Variants in VEPH1 observed in about 807,000 individuals in gnomAD.
The protein encoded by VEPH1 is ventricular zone expressed PH domain containing 1.
VEPH1 carries 80 observed loss-of-function variants against 85.2 expected under a neutral mutation model. The observed-to-expected ratio is 0.94, with a 90% CI of 0.78 to 1.13. The LOEUF (loss-of-function observed/expected upper bound fraction) is 1.13, where lower values mean the gene tolerates loss of function less well. VEPH1 is among the 50% of genes most tolerant of loss of function. The probability of loss-of-function intolerance (pLI) is 0.00; values close to 1 mark genes in which losing one functional copy is unlikely to be tolerated. For synonymous variants in VEPH1, 297 were observed against 348.0 expected, an observed-to-expected ratio of 0.85 and a Z score of 1.63; for missense variants, 955 against 980.5, an observed-to-expected ratio of 0.97 and a Z score of 0.35.
At chr3:157,280,967 G>C (rs1048386205) in intron 12 of VEPH1, among the ~76,000 whole-genome samples, 1 of 152,182 alleles carries the variant, frequency 6.6e-6, no homozygotes, top group Non-Finnish European at 1.5e-5. Flanking sequence ...TGTCCAGAGG[G>C]AAAGACTGAT....
chr3:157,450,048 C>CTTTTTTTT (rs761761440), intron 4 of VEPH1, among the ~76,000 whole-genome samples: 10 of 77,320 alleles, frequency 1.3e-4, no homozygotes, highest in African/African-American at 4.3e-4. Context: ...AGAATATTTA[C>CTTTTTTTT]TTTTTTTTTT....
intron 12 of VEPH1, among the ~76,000 whole-genome samples, chr3:157,280,760 T>A (rs1715999001): frequency 6.6e-6 from 1 of 152,236 alleles, no homozygotes; most frequent in Non-Finnish European, 1.5e-5. Flanking sequence ...AGAGTTAGAT[T>A]TTTAAAAGTT....
intron 6 of VEPH1, among the ~76,000 whole-genome samples, chr3:157,386,874 A>C (rs892943456): frequency 1.3e-5 from 2 of 152,236 alleles, no homozygotes; most frequent in African/African-American, 4.8e-5. Flanking sequence ...AACACAGTGA[A>C]AATGGTAAAT....
intron 4 of VEPH1, among the ~76,000 whole-genome samples, chr3:157,450,618 A>C (rs1162052856): frequency 6.6e-6 from 1 of 151,314 alleles, no homozygotes; most frequent in Non-Finnish European, 1.5e-5. Flanking sequence ...TTATCTATCT[A>C]TATATCTCCT....
intron 6 of VEPH1, among the ~76,000 whole-genome samples, chr3:157,389,476 T>G (rs1170369114): frequency 6.6e-6 from 1 of 152,118 alleles, no homozygotes; most frequent in African/African-American, 2.4e-5. Flanking sequence ...ACAACTGAAG[T>G]TTTTTGCTAC....
At chr3:157,480,334 A>T (rs545322996) in intron 2 of VEPH1, among the ~76,000 whole-genome samples, 1 of 152,140 alleles carries the variant, frequency 6.6e-6, no homozygotes, top group African/African-American at 2.4e-5. Context: ...CAGAGCGTAC[A>T]TCAGCAGGTT....
rs1330053157 is a variant in VEPH1, at chr3:157,413,800, C to T, written c.906+81G>A. On this transcript the variant is annotated intron_variant, in intron 6 of 13. Transcript: ENST00000362010. ...GAAATTCCAGGACAAATTTGCACGT[C>T]ATAATAATCCAACCTATTAAATAGG... The T allele has an allele frequency of 6.8e-6, 10 of 1,473,324 alleles. No homozygotes were observed. In the Admixed American group the frequency reaches 2.1e-4, roughly 31 times the overall value. The allele number at this position is 1,473,324 out of a possible 1,614,324, so 91.3% of individuals were successfully genotyped here.
chr3:157,383,059 G>A (rs1259319610), intron 6 of VEPH1, among the ~76,000 whole-genome samples: 1 of 151,996 alleles, frequency 6.6e-6, no homozygotes, highest in African/African-American at 2.4e-5. Flanking sequence ...GCTGGCCTGG[G>A]CTCAAGTAAT....
At chr3:157,328,127 CTGAGA>C (rs990634145) in intron 9 of VEPH1, among the ~76,000 whole-genome samples, 3 of 152,166 alleles carry the variant, frequency 2.0e-5, no homozygotes, top group African/African-American at 7.2e-5. Flanking sequence ...CCCGATTTGC[CTGAGA>C]TTAGAGTGGC....
In VEPH1 at chr3:157,442,541, C is replaced by A. The variant is rs868446487; in HGVS notation, c.530-14053G>T. 2.4e-5 allele frequency: 39 copies of A among 1,614,042 alleles called. No homozygotes were observed. The Middle Eastern group carries it at 4.1e-3, about 170-fold the overall frequency. On this transcript the variant is annotated intron_variant, in intron 4 of 13. Transcript: ENST00000362010. The stretch of plus-strand genomic sequence containing the variant: ...GCACAAAGAGGAATCCATATGAAAT[C>A]CAGCTGTATCTCAGCTACCAATCCA...
intron 3 of VEPH1, 129 bp from the exon 4 acceptor site, chr3:157,460,484 C>T (rs1176122164): frequency 1.7e-6 from 2 of 1,203,794 alleles, no homozygotes; most frequent in Middle Eastern, 2.7e-4. Flanking sequence ...AGGCCTTGCC[C>T]TGTTTATATT....
chr3:157,360,485 A>G lies in VEPH1; in HGVS notation c.1735+2879T>C, dbSNP rs554639214. Among the ~76,000 whole-genome samples, 8 of 151,904 alleles carry G rather than the reference A, an allele frequency of 5.3e-5. No homozygotes were observed. The South Asian group carries it at 6.3e-4, about 12-fold the overall frequency. The stretch of plus-strand genomic sequence containing the variant: ...GATGAATTTATTCAACATTTTTGGG[A>G]AAAAAAAGCAAAGTTAACTAGTTAA... On this transcript the variant is annotated intron_variant, in intron 9 of 13. Transcript: ENST00000362010.
At chr3:157,355,066 C>T (rs1725280554) in intron 9 of VEPH1, among the ~76,000 whole-genome samples, 2 of 152,186 alleles carry the variant, frequency 1.3e-5, no homozygotes, top group Non-Finnish European at 2.9e-5. Context: ...CGGTTCTCTT[C>T]AGCTCCCACA....
At chr3:157,345,877 G>T (rs1213128187) in intron 9 of VEPH1, among the ~76,000 whole-genome samples, 1 of 152,204 alleles carries the variant, frequency 6.6e-6, no homozygotes, top group African/African-American at 2.4e-5. Context: ...CATGTCCTTT[G>T]TAGGGACATG....
intron 9 of VEPH1, among the ~76,000 whole-genome samples, chr3:157,344,974 G>A (rs370811672): frequency 6.6e-6 from 1 of 152,272 alleles, no homozygotes; most frequent in East Asian, 1.9e-4. Context: ...GGCTAGCCAT[G>A]TGTAGAAAGC....
At chr3:157,479,704 G>C (rs767211437) in intron 2 of VEPH1, among the ~76,000 whole-genome samples, 3 of 152,136 alleles carry the variant, frequency 2.0e-5, no homozygotes, top group Non-Finnish European at 4.4e-5. Context: ...CTAAGGGCTC[G>C]GCTCTGCTTT....
intron 4 of VEPH1, among the ~76,000 whole-genome samples, chr3:157,445,740 G>T (rs1734499061): frequency 6.6e-6 from 1 of 152,206 alleles, no homozygotes; most frequent in South Asian, 2.1e-4. Flanking sequence ...AGTGAGCCAA[G>T]ATCGCACCAC....
chr3:157,479,903 C>T (rs1235266058), intron 2 of VEPH1, among the ~76,000 whole-genome samples: 5 of 152,154 alleles, frequency 3.3e-5, no homozygotes, highest in Admixed American at 2.6e-4. Flanking sequence ...ATTTTTATTT[C>T]CCTTAAGGAT....
chr3:157,260,452 G>C lies in VEPH1; in HGVS notation c.*682C>G, dbSNP rs1329636475. 1 of 152,156 alleles carries C rather than the reference G, an allele frequency of 6.6e-6. No individual in the cohort carries two copies. Among genetic ancestry groups the C allele is most frequent in the African/African-American group, 2.4e-5 (1 of 41,448 alleles). 9.4% of individuals were successfully genotyped at this position (152,156 alleles called of 1,614,324 possible). On this transcript the variant is annotated 3_prime_UTR_variant, in exon 14 of 14. Transcript: ENST00000362010. ...ATCCTTTTCCTATATTACACTTAGT[G>C]CCTTGGGCAGGATATATGTCCAAGT...
Sources: allele counts gnomAD v4.1 joint callset (sites outside exome capture counted in the v4.1 genomes callset), GRCh38; gene constraint gnomAD v4.1.1; transcripts MANE v1.5; gene names NCBI Gene and HGNC (gene_info 2026-07-23, HGNC 2026-07-21).